CPN1: variants seen among roughly 807,000 people sequenced by gnomAD.
The protein encoded by CPN1 is carboxypeptidase N subunit 1.
A neutral mutation model predicts 46.4 loss-of-function variants in CPN1; 37 were observed. That is an observed-to-expected ratio of 0.80 (90% CI 0.61 to 1.05). The LOEUF (loss-of-function observed/expected upper bound fraction) is 1.05, where lower values mean the gene tolerates loss of function less well. Ranked by LOEUF, CPN1 falls within the 50% of genes least tolerant of loss-of-function variation. The pLI, the probability that CPN1 is intolerant of heterozygous loss-of-function variation, is 0.00. For synonymous variants in CPN1, 224 were observed against 235.4 expected (o/e 0.95, Z 0.44); for missense variants, 563 against 602.6 (o/e 0.93, Z 0.69).
At chr10:100,072,449 C>T (rs572390445) in intron 2 of CPN1, among the ~76,000 whole-genome samples, 27 of 152,128 alleles carry the variant, frequency 1.8e-4, no homozygotes, top group Non-Finnish European at 3.5e-4. Flanking sequence ...GATTAACAGA[C>T]GTGAGCCACT....
chr10:100,066,297 A>G (rs2041454587), intron 3 of CPN1, among the ~76,000 whole-genome samples: 1 of 152,224 alleles, frequency 6.6e-6, no homozygotes, highest in Non-Finnish European at 1.5e-5. Context: ...TGGAGAGCTC[A>G]GAGCCCCAAC....
At chr10:100,078,592 G>T (rs749390253) in intron 1 of CPN1, among the ~76,000 whole-genome samples, 2 of 152,276 alleles carry the variant, frequency 1.3e-5, no homozygotes, top group East Asian at 3.9e-4. Context: ...TGATGTCTCT[G>T]TCACAGCTAC....
chr10:100,081,340 A>G, intron 1 of CPN1, 63 bp downstream of exon 1: 2 of 1,455,178 alleles, frequency 1.4e-6, no homozygotes, highest in East Asian at 2.4e-5. Context: ...AACCACTCCA[A>G]TTACTGGATT....
chr10:100,072,120 G>A (rs1488954573), intron 2 of CPN1, among the ~76,000 whole-genome samples: 1 of 152,114 alleles, frequency 6.6e-6, no homozygotes, highest in African/African-American at 2.4e-5. Context: ...GTAGATATCT[G>A]TAAGTAGAAC....
At chr10:100,054,221 C>A in intron 7 of CPN1, 126 bp downstream of exon 7, 2 of 751,228 alleles carry the variant, frequency 2.7e-6, no homozygotes, top group South Asian at 2.9e-5. Context: ...TTCCTCCATC[C>A]CCCCCACTCC....
intron 3 of CPN1, among the ~76,000 whole-genome samples, chr10:100,066,306 A>C (rs374504525): frequency 1.3e-5 from 2 of 152,158 alleles, no homozygotes; most frequent in South Asian, 4.1e-4. Context: ...CAGAGCCCCA[A>C]CTTGGCCTCT....
At chr10:100,075,254 C>T (rs2041507402) in intron 2 of CPN1, among the ~76,000 whole-genome samples, 1 of 152,202 alleles carries the variant, frequency 6.6e-6, no homozygotes, top group Admixed American at 6.5e-5. Flanking sequence ...CGCACCACTG[C>T]ACTCCAGCCT....
In CPN1 at chr10:100,065,370, C is replaced by G; in HGVS notation, c.577G>C (p.Val193Leu). The G allele has an allele frequency of 6.2e-7, 1 of 1,614,108 alleles. No individual in the cohort carries two copies. The highest frequency in any genetic ancestry group is 8.5e-7 in the Non-Finnish European group (1 of 1,180,016). Residue 193 changes from valine (V) to leucine (L), a missense_variant and splice_region_variant, in exon 4 of 9, where the codon GTG (valine) becomes CTG (leucine). Coordinates refer to ENST00000370418, the MANE Select transcript of CPN1 (RefSeq NM_001308.3). The part of the protein sequence containing the change: ...LPLPDNWKSQ[V>L]EPETRAVIRW... ...ATCACCGCCCGGGTCTCGGGTTCCACCTGGGAGGAGGCGAGAGGTTGGCGG... is the reference window on the plus strand; with the variant it reads ...ATCACCGCCCGGGTCTCGGGTTCCAGCTGGGAGGAGGCGAGAGGTTGGCGG...
In CPN1 at chr10:100,063,099, C is replaced by T. The variant is rs558938307; in HGVS notation, c.871+515G>A. Among the ~76,000 whole-genome samples, 6 of 152,052 alleles carry T rather than the reference C, an allele frequency of 3.9e-5. No individual in the cohort carries two copies. In the South Asian group the frequency reaches 1.2e-3, roughly 32 times the overall value. On this transcript the variant is annotated intron_variant, in intron 5 of 8. Coordinates refer to ENST00000370418, the MANE Select transcript of CPN1 (RefSeq NM_001308.3). ...CCAGTTTTACAGGACCAAAAGGTGTCCCTACTTTAGTTATTTTTTGTTTTT... is the reference window on the plus strand; with the variant it reads ...CCAGTTTTACAGGACCAAAAGGTGTTCCTACTTTAGTTATTTTTTGTTTTT...
At position 100,054,503 on chromosome 10, in the gene CPN1, T is replaced by C. The variant is rs564644723; in HGVS notation, c.1012-57A>G. Reference sequence around the variant, plus strand: ...AAACATTTGTACCATTTGTACAGTGTTTTAGAGTCTCAAAGCCCTTTCTCT... The same window carrying C: ...AAACATTTGTACCATTTGTACAGTGCTTTAGAGTCTCAAAGCCCTTTCTCT... On this transcript the variant is annotated intron_variant, in intron 6 of 8. Transcript: ENST00000370418. The C allele has an allele frequency of 1.5e-4, 207 of 1,394,988 alleles. 1 individual carries two copies. The African/African-American group carries it at 2.6e-3, about 18-fold the overall frequency. The allele number at this position is 1,394,988 out of a possible 1,614,324, so 86.4% of individuals were successfully genotyped here.
At chr10:100,073,243 A>G (rs1223926210) in intron 2 of CPN1, among the ~76,000 whole-genome samples, 3 of 152,056 alleles carry the variant, frequency 2.0e-5, no homozygotes, top group Admixed American at 6.6e-5. Context: ...TTTGGTGTAC[A>G]CTTCTGTGAC....
At chr10:100,048,631 C>A (rs1262242764) in intron 8 of CPN1, 127 bp downstream of exon 8, 1 of 770,958 alleles carries the variant, frequency 1.3e-6, no homozygotes, top group Non-Finnish European at 2.3e-6. Flanking sequence ...CCCAGGAGAT[C>A]GAGGCTGCAG....
At chr10:100,077,953 G>A (rs1333614996) in intron 1 of CPN1, among the ~76,000 whole-genome samples, 3 of 152,046 alleles carry the variant, frequency 2.0e-5, no homozygotes, top group Admixed American at 1.3e-4. Context: ...CTGTAAGTCT[G>A]GGAACCACTG....
At chr10:100,044,520 G>A (rs749524038) in intron 8 of CPN1, among the ~76,000 whole-genome samples, 9 of 151,132 alleles carry the variant, frequency 6.0e-5, no homozygotes, top group Non-Finnish European at 1.0e-4. Context: ...CACTACATGT[G>A]CATGACACCA....
At chr10:100,069,021 TTCTC>T (rs758323984) in intron 3 of CPN1, among the ~76,000 whole-genome samples, 5 of 152,244 alleles carry the variant, frequency 3.3e-5, no homozygotes, top group Non-Finnish European at 5.9e-5. Flanking sequence ...GTAAATTATT[TTCTC>T]TCTAAGTGTA....
chr10:100,076,893 G>A (rs1355384571), intron 1 of CPN1, among the ~76,000 whole-genome samples: 2 of 152,280 alleles, frequency 1.3e-5, no homozygotes, highest in Middle Eastern at 3.4e-3. Context: ...AGAATAGGAA[G>A]GCACCTGCTA....
intron 2 of CPN1, among the ~76,000 whole-genome samples, chr10:100,070,925 C>T (rs1417854674): frequency 6.6e-6 from 1 of 152,192 alleles, no homozygotes; most frequent in Non-Finnish European, 1.5e-5. Flanking sequence ...CAAATAGACA[C>T]CTCATTCCCA....
At chr10:100,055,854 T>C (rs1301106688) in intron 6 of CPN1, among the ~76,000 whole-genome samples, 1 of 152,242 alleles carries the variant, frequency 6.6e-6, no homozygotes, top group African/African-American at 2.4e-5. Context: ...GGCTGTATAA[T>C]ATTCCACTGT....
chr10:100,059,592 CAA>C (rs71013408), intron 5 of CPN1, among the ~76,000 whole-genome samples: 25 of 115,064 alleles, frequency 2.2e-4, no homozygotes, highest in Admixed American at 6.3e-4. Flanking sequence ...TGGCTACTAT[CAA>C]AAAAAAAAAA....
Sources: allele counts gnomAD v4.1 joint callset (sites outside exome capture counted in the v4.1 genomes callset), GRCh38; gene constraint gnomAD v4.1.1; transcripts MANE v1.5; gene names NCBI Gene and HGNC (gene_info 2026-07-23, HGNC 2026-07-21).